Variants in RALGAPA1 observed in about 807,000 individuals in gnomAD.
RALGAPA1 encodes the protein Ral GTPase activating protein catalytic subunit alpha 1, also known as ral GTPase-activating protein subunit alpha-1.
RALGAPA1 carries 52 observed loss-of-function variants against 269.6 expected under a neutral mutation model. The observed-to-expected ratio is 0.19, with a 90% CI of 0.15 to 0.24. The LOEUF is 0.24. Ranked by LOEUF, RALGAPA1 falls within the 10% of genes least tolerant of loss-of-function variation. RALGAPA1 has a pLI of 1.00. For synonymous variants in RALGAPA1, 817 were observed against 1,008.3 expected (o/e 0.81, Z 3.60); for missense variants, 1,917 against 3,013.9 (o/e 0.64, Z 8.52).
intron 39 of RALGAPA1, among the ~76,000 whole-genome samples, chr14:35,554,347 T>C (rs1351573386): frequency 3.1e-5 from 4 of 129,556 alleles, no homozygotes; most frequent in African/African-American, 9.4e-5. Context: ...TCTTTTTTTT[T>C]TTTTTTTTTT....
At chr14:35,608,566 A>C (rs954127467) in intron 35 of RALGAPA1, among the ~76,000 whole-genome samples, 10 of 152,354 alleles carry the variant, frequency 6.6e-5, no homozygotes, top group Middle Eastern at 3.4e-3. Flanking sequence ...GGCTATACTA[A>C]TGTAAGACTT....
chr14:35,721,522 C>T (rs1347441417), intron 16 of RALGAPA1, among the ~76,000 whole-genome samples, 166 bp downstream of exon 16: 2 of 152,106 alleles, frequency 1.3e-5, no homozygotes, highest in Non-Finnish European at 2.9e-5. Flanking sequence ...GGATAACAGC[C>T]TATCACTAGA....
chr14:35,543,347 G>C (rs1261163961), intron 41 of RALGAPA1, among the ~76,000 whole-genome samples: 4 of 152,120 alleles, frequency 2.6e-5, no homozygotes, highest in Middle Eastern at 6.3e-3. Flanking sequence ...TTTTGAATCA[G>C]AACAGATGAG....
intron 16 of RALGAPA1, among the ~76,000 whole-genome samples, chr14:35,717,865 T>G (rs1033138625): frequency 1.3e-5 from 2 of 152,202 alleles, no homozygotes; most frequent in Admixed American, 1.3e-4. Flanking sequence ...GCCAACATTT[T>G]TTTGATATAT....
chr14:35,563,190 G>A (rs1286877337), intron 39 of RALGAPA1, among the ~76,000 whole-genome samples: 1 of 152,108 alleles, frequency 6.6e-6, no homozygotes, highest in Non-Finnish European at 1.5e-5. Flanking sequence ...AGTAAGACTT[G>A]CTAATATATA....
intron 37 of RALGAPA1, among the ~76,000 whole-genome samples, chr14:35,578,220 A>C (rs1039912990): frequency 1.3e-5 from 2 of 152,230 alleles, no homozygotes; most frequent in South Asian, 2.1e-4. Context: ...AAATAATTTA[A>C]AAATACAAAT....
intron 26 of RALGAPA1, among the ~76,000 whole-genome samples, 180 bp downstream of exon 26, chr14:35,671,209 C>A (rs1472970097): frequency 6.6e-6 from 1 of 152,044 alleles, no homozygotes; most frequent in Admixed American, 6.6e-5. Flanking sequence ...TCAGATTTTA[C>A]TGATTTTAGT....
At position 35,595,689 on chromosome 14, in the gene RALGAPA1, A is replaced by G; in HGVS notation, c.7154T>C (p.Ile2385Thr). The G allele has an allele frequency of 6.2e-7, 1 of 1,612,308 alleles. No individual in the cohort carries two copies. Among genetic ancestry groups the G allele is most frequent in the South Asian group, 1.1e-5 (1 of 91,032 alleles). The change falls in exon 37 of 42, where the codon ATA becomes ACA. Residue 2385 changes from isoleucine to threonine, a missense_variant. Ile to Thr is a moderately conservative substitution (Grantham distance 89). Coordinates refer to ENST00000680220, the MANE Select transcript of RALGAPA1 (RefSeq NM_001346249.2). ...AGGCATTCTTGTTGACACGTGAAAT[A>G]TTACCTCTACTGTAGAGGTAGCAAA... is the stretch of plus-strand genomic sequence containing the variant. ...PYFATSTVEVIFHVSTRMPSD... is the reference protein window; with the variant it reads ...PYFATSTVEVTFHVSTRMPSD...
intron 10 of RALGAPA1, 79 bp downstream of exon 10, chr14:35,748,506 T>C (rs1337717878): frequency 6.9e-7 from 1 of 1,454,994 alleles, no homozygotes; most frequent in East Asian, 2.4e-5. Context: ...ACACCACTGT[T>C]CCCAGCTAAA....
At position 35,605,637 on chromosome 14, in the gene RALGAPA1, A is replaced by G; in HGVS notation, c.7002T>C (p.Asn2334=). Residue 2334 remains asparagine (N), a synonymous_variant, in exon 36 of 42, where the codon AAT becomes AAC. Coordinates refer to ENST00000680220, the MANE Select transcript of RALGAPA1 (RefSeq NM_001346249.2). ...CTTCATATGCTTGACTTCCTCCTGT[A>G]TTGGTGAGAATGGAGTGTTTGTCTT... ...GQEDKHSILT[N]TGGSQAYEDF... 1 of 1,611,344 alleles carries G rather than the reference A, an allele frequency of 6.2e-7. No individual in the cohort carries two copies. Among genetic ancestry groups the G allele is most frequent in the Middle Eastern group, 1.7e-4 (1 of 6,036 alleles).
chr14:35,776,718 G>A (rs11849770), intron 1 of RALGAPA1, among the ~76,000 whole-genome samples: 6,154 of 152,192 alleles, frequency 0.04, 357 homozygotes, highest in African/African-American at 0.12. Flanking sequence ...TTAAGGACAG[G>A]AAGAACACTA....
chr14:35,738,799 A>C, intron 11 of RALGAPA1, 149 bp from the exon 12 acceptor site: 1 of 602,208 alleles, frequency 1.7e-6, no homozygotes. Flanking sequence ...CAAATCCAAA[A>C]ACAATGTATA....
At chr14:35,646,105 C>A (rs144711520) in intron 31 of RALGAPA1, among the ~76,000 whole-genome samples, 1 of 152,062 alleles carries the variant, frequency 6.6e-6, no homozygotes, top group African/African-American at 2.4e-5. Flanking sequence ...CTTCCTTATA[C>A]GTAGAAAGCT....
chr14:35,731,955 T>C (rs918326356), intron 12 of RALGAPA1, among the ~76,000 whole-genome samples: 3 of 152,124 alleles, frequency 2.0e-5, no homozygotes, highest in African/African-American at 4.8e-5. Context: ...AAAGTTAAGA[T>C]GAAGGAAAGA....
intron 1 of RALGAPA1, among the ~76,000 whole-genome samples, chr14:35,807,476 A>G (rs1300091568): frequency 6.6e-6 from 1 of 152,206 alleles, no homozygotes; most frequent in African/African-American, 2.4e-5. Context: ...AGCTGTCATA[A>G]ATGTAGAAAG....
In RALGAPA1 at chr14:35,758,309, T is replaced by A. The variant is rs907008187; in HGVS notation, c.548-1401A>T. On this transcript the variant is annotated intron_variant, in intron 6 of 41. Coordinates refer to ENST00000680220, the MANE Select transcript of RALGAPA1 (RefSeq NM_001346249.2). ...AAGTAAGAAAATACAAACTTTATCA[T>A]CTGTACTCTGGACTTCCTGGACCAC... Among the ~76,000 whole-genome samples, 5 of 149,120 alleles carry A rather than the reference T, an allele frequency of 3.4e-5. No individual in the cohort carries two copies. In the South Asian group the frequency reaches 8.6e-4, roughly 26 times the overall value.
intron 1 of RALGAPA1, among the ~76,000 whole-genome samples, chr14:35,782,665 C>T (rs536688388): frequency 6.6e-6 from 1 of 151,794 alleles, no homozygotes; most frequent in Non-Finnish European, 1.5e-5. Context: ...CTAAGGTGAT[C>T]CACCCGCCAT....
intron 17 of RALGAPA1, among the ~76,000 whole-genome samples, chr14:35,696,065 A>G (rs1264684517): frequency 6.6e-6 from 1 of 152,218 alleles, no homozygotes; most frequent in African/African-American, 2.4e-5. Context: ...ACATAGTGCT[A>G]ATGCCCACAA....
At chr14:35,746,394 T>G (rs151194580) in intron 10 of RALGAPA1, among the ~76,000 whole-genome samples, 3,321 of 152,270 alleles carry the variant, frequency 0.022, 120 homozygotes, top group African/African-American at 0.075. Context: ...GATTTTATCA[T>G]AAGTGTTCTT....
Sources: gnomAD v4.1 joint callset for allele counts (sites outside exome capture counted in the v4.1 genomes callset) on GRCh38, gnomAD v4.1.1 for gene constraint, MANE v1.5 for transcripts, NCBI Gene and HGNC (gene_info 2026-07-23, HGNC 2026-07-21) for gene names.